The following NRXN3 variants were observed in gnomAD, a reference collection of about 807,000 sequenced individuals.
NRXN3 encodes the protein neurexin III.
NRXN3 carries 32 observed loss-of-function variants against 137.6 expected under a neutral mutation model. The ratio of observed to expected loss-of-function variants is 0.23; its 90% CI spans 0.18 to 0.31. The LOEUF is 0.31. NRXN3 is among the 10% of genes least tolerant of loss of function. The pLI, the probability that NRXN3 is intolerant of heterozygous loss-of-function variation, is 1.00. For missense variants in NRXN3, 1,574 were observed against 2,062.5 expected, an observed-to-expected ratio of 0.76 and a Z score of 4.59; for synonymous variants, 798 against 784.5, an observed-to-expected ratio of 1.02 and a Z score of -0.29.
At chr14:78,920,100 G>C (rs970903262) in intron 10 of NRXN3, among the ~76,000 whole-genome samples, 1 of 152,090 alleles carries the variant, frequency 6.6e-6, no homozygotes, top group African/African-American at 2.4e-5. Context: ...AAACAACAAC[G>C]TTTACTTCTC....
chr14:79,491,788 T>G (rs2096720014), intron 16 of NRXN3, among the ~76,000 whole-genome samples: 1 of 152,172 alleles, frequency 6.6e-6, no homozygotes, highest in African/African-American at 2.4e-5. Context: ...GGCAATCTCC[T>G]TTGTATGAAG....
At chr14:79,587,452 C>T (rs1284557383) in intron 16 of NRXN3, among the ~76,000 whole-genome samples, 2 of 152,202 alleles carry the variant, frequency 1.3e-5, no homozygotes, top group Non-Finnish European at 2.9e-5. Context: ...CTGTCAACAC[C>T]TCTCTTAATT....
At chr14:78,965,750 A>G (rs927093717) in intron 11 of NRXN3, among the ~76,000 whole-genome samples, 1 of 152,148 alleles carries the variant, frequency 6.6e-6, no homozygotes, top group Admixed American at 6.5e-5. Context: ...GAGAATATCA[A>G]TAGTTTTATC....
chr14:79,295,467 G>C (rs189001650), intron 15 of NRXN3, among the ~76,000 whole-genome samples: 36 of 152,222 alleles, frequency 2.4e-4, no homozygotes, highest in Admixed American at 7.2e-4. Flanking sequence ...TGTTTTCACT[G>C]TAGCTTGAAT....
intron 19 of NRXN3, among the ~76,000 whole-genome samples, chr14:79,782,993 C>T (rs974721962): frequency 6.6e-6 from 1 of 152,040 alleles, no homozygotes; most frequent in Non-Finnish European, 1.5e-5. Flanking sequence ...ACTCATAGAC[C>T]AAGGAGATAA....
intron 16 of NRXN3, among the ~76,000 whole-genome samples, chr14:79,617,917 C>CAAAAAAAAAAAAAAAAAACAA (rs1162153685): frequency 1.1e-5 from 1 of 91,332 alleles, no homozygotes; most frequent in African/African-American, 5.8e-5. Flanking sequence ...TGAATAGCAG[C>CAAAAAAAAAAAAAAAAAACAA]AAAAAAAAAA....
At chr14:78,600,427 G>T (rs758094696) in intron 4 of NRXN3, among the ~76,000 whole-genome samples, 2 of 152,136 alleles carry the variant, frequency 1.3e-5, no homozygotes, top group Non-Finnish European at 2.9e-5. Context: ...ATTTAATACC[G>T]TTCCCAATGT....
At chr14:78,693,786 G>A (rs759282436) in intron 6 of NRXN3, among the ~76,000 whole-genome samples, 64 of 149,276 alleles carry the variant, frequency 4.3e-4, no homozygotes, top group Middle Eastern at 3.5e-3. Context: ...ACCTGACCTC[G>A]TCACTCTTCT....
intron 10 of NRXN3, among the ~76,000 whole-genome samples, chr14:78,850,374 C>T (rs777167628): frequency 2.0e-5 from 3 of 152,198 alleles, no homozygotes; most frequent in Non-Finnish European, 4.4e-5. Context: ...CACTGCATGA[C>T]GGAGTCCATA....
chr14:78,499,753 A>G (rs1291517882), intron 4 of NRXN3, among the ~76,000 whole-genome samples: 1 of 152,026 alleles, frequency 6.6e-6, no homozygotes, highest in Non-Finnish European at 1.5e-5. Flanking sequence ...TCATTCCTGG[A>G]GTGTTGTGGG....
intron 15 of NRXN3, among the ~76,000 whole-genome samples, chr14:79,104,295 T>C (rs147351270): frequency 5.8e-4 from 89 of 152,310 alleles, no homozygotes; most frequent in African/African-American, 2.1e-3. Flanking sequence ...TGGGCAGTAG[T>C]CTTTGTATAC....
At chr14:78,945,855 C>T (rs548888403) in intron 10 of NRXN3, among the ~76,000 whole-genome samples, 8 of 152,204 alleles carry the variant, frequency 5.3e-5, no homozygotes, top group Non-Finnish European at 1.0e-4. Context: ...TCTGATTTGT[C>T]GCATCCTGGA....
In NRXN3 at chr14:79,862,730, TAAG is replaced by T. The variant is rs778203102; in HGVS notation, c.*768_*770del. The T allele has an allele frequency of 2.3e-4, 35 of 152,622 alleles. No individual in the cohort carries two copies. The highest frequency in any genetic ancestry group is 4.4e-5 in the Non-Finnish European group (3 of 68,028). The allele number at this position is 152,622 out of a possible 1,614,324, so 9.5% of individuals were successfully genotyped here. A position where few individuals can be genotyped will look rare whatever the true frequency, so the allele number is the denominator to read the frequency against. ...TCTAGAATCTGTTGTTTGTTTCCTATAAGATGCTTTGCTGAACACATAGCAAAA... is the reference window on the plus strand; with the variant it reads ...TCTAGAATCTGTTGTTTGTTTCCTATATGCTTTGCTGAACACATAGCAAAA... On this transcript the variant is annotated 3_prime_UTR_variant, in exon 21 of 21. Coordinates refer to ENST00000335750, the MANE Select transcript of NRXN3 (RefSeq NM_001330195.2).
At chr14:79,374,005 A>G (rs539858070) in intron 15 of NRXN3, among the ~76,000 whole-genome samples, 2 of 152,242 alleles carry the variant, frequency 1.3e-5, no homozygotes, top group East Asian at 3.9e-4. Flanking sequence ...TTGATCTATT[A>G]TTTTATCTAT....
intron 16 of NRXN3, among the ~76,000 whole-genome samples, chr14:79,625,227 C>T (rs995516386): frequency 6.6e-6 from 1 of 152,150 alleles, no homozygotes; most frequent in African/African-American, 2.4e-5. Flanking sequence ...TTAATATGTA[C>T]ATCTACCACA....
intron 1 of NRXN3, among the ~76,000 whole-genome samples, chr14:78,173,755 T>C (rs2058996383): frequency 7.5e-6 from 1 of 132,880 alleles, no homozygotes; most frequent in Non-Finnish European, 1.6e-5. Flanking sequence ...TGGCCTTTCC[T>C]ACATGCCACA....
intron 4 of NRXN3, among the ~76,000 whole-genome samples, chr14:78,413,091 G>A (rs536509265): frequency 1.3e-5 from 2 of 152,278 alleles, no homozygotes; most frequent in South Asian, 4.1e-4. Context: ...CCTGAGATGG[G>A]GATTCTTCTT....
intron 1 of NRXN3, among the ~76,000 whole-genome samples, chr14:78,198,443 C>T (rs2061412139): frequency 1.3e-5 from 2 of 152,166 alleles, no homozygotes; most frequent in African/African-American, 4.8e-5. Context: ...AATTGAGCTG[C>T]TAGTGGGGAT....
intron 4 of NRXN3, among the ~76,000 whole-genome samples, chr14:78,306,351 T>C (rs1201355226): frequency 6.6e-6 from 1 of 152,198 alleles, no homozygotes; most frequent in African/African-American, 2.4e-5. Flanking sequence ...GCTTATCCAG[T>C]TGAGTTAGTT....
Sources: allele counts gnomAD v4.1 joint callset (sites outside exome capture counted in the v4.1 genomes callset), GRCh38; gene constraint gnomAD v4.1.1; transcripts MANE v1.5; gene names NCBI Gene and HGNC (gene_info 2026-07-23, HGNC 2026-07-21).